The following RASGRF2 variants were observed in gnomAD, a reference collection of about 807,000 sequenced individuals.
The protein encoded by RASGRF2 is Ras protein specific guanine nucleotide releasing factor 2, also known as ras-specific guanine nucleotide-releasing factor 2.
In RASGRF2, 76 loss-of-function variants were observed where a neutral mutation model predicts 151.0. That is an observed-to-expected ratio of 0.50 (90% CI 0.42 to 0.61). RASGRF2 has a LOEUF of 0.61. RASGRF2 is among the 20% of genes least tolerant of loss of function. The pLI, the probability that RASGRF2 is intolerant of heterozygous loss-of-function variation, is 0.00. For synonymous variants in RASGRF2, 504 were observed against 566.5 expected (o/e 0.89, Z 1.57); for missense variants, 1,148 against 1,564.6 (o/e 0.73, Z 4.49).
At chr5:81,159,864 G>A (rs1275522736) in intron 17 of RASGRF2, among the ~76,000 whole-genome samples, 1 of 152,202 alleles carries the variant, frequency 6.6e-6, no homozygotes, top group East Asian at 1.9e-4. Context: ...CATGCTAACG[G>A]CAGTGCCTAG....
At chr5:81,187,681 T>C (rs1410739766) in intron 18 of RASGRF2, among the ~76,000 whole-genome samples, 1 of 152,202 alleles carries the variant, frequency 6.6e-6, no homozygotes. Flanking sequence ...AGATCTGAGG[T>C]AAAGTGGGGA....
At chr5:81,123,363 C>A (rs1293935714) in intron 15 of RASGRF2, among the ~76,000 whole-genome samples, 1 of 152,152 alleles carries the variant, frequency 6.6e-6, no homozygotes, top group Non-Finnish European at 1.5e-5. Flanking sequence ...AGGGGATCCA[C>A]CACATACCCC....
At chr5:80,962,273 CAG>C (rs1747586244) in intron 1 of RASGRF2, among the ~76,000 whole-genome samples, 1 of 152,146 alleles carries the variant, frequency 6.6e-6, no homozygotes, top group Admixed American at 6.5e-5. Flanking sequence ...AGGGCTTGTT[CAG>C]AGTCATTTGA....
chr5:81,206,162 T>C (rs6890619), intron 19 of RASGRF2, among the ~76,000 whole-genome samples: 62,663 of 152,062 alleles, frequency 0.41, 13,417 homozygotes, highest in African/African-American at 0.52. Context: ...AAACCAGTAT[T>C]TAAGGTATTA....
chr5:81,179,416 A>G (rs1754860906), intron 17 of RASGRF2, among the ~76,000 whole-genome samples: 1 of 152,212 alleles, frequency 6.6e-6, no homozygotes, highest in Admixed American at 6.5e-5. Context: ...AGGCAACCTA[A>G]CTTGCCAGGG....
Position 81,032,302 on chromosome 5 carries a change from T to C in RASGRF2, c.289-10575T>C, listed in dbSNP as rs560133395. Reference sequence around the variant, plus strand: ...TCCTCCCTAACTCATTTTATGAGGCTAGCATCATCTTGATACCAAAGCCTG... The same window carrying C: ...TCCTCCCTAACTCATTTTATGAGGCCAGCATCATCTTGATACCAAAGCCTG... On this transcript the variant is annotated intron_variant, in intron 1 of 26. Transcript: ENST00000265080. Among the ~76,000 whole-genome samples, 18 of 152,302 alleles carry C rather than the reference T, an allele frequency of 1.2e-4. No homozygotes were observed. The South Asian group carries it at 3.3e-3, about 28-fold the overall frequency.
chr5:81,140,791 C>T (rs1346106571), intron 17 of RASGRF2, among the ~76,000 whole-genome samples: 1 of 152,158 alleles, frequency 6.6e-6, no homozygotes, highest in Middle Eastern at 3.2e-3. Context: ...AGCAAAGGTA[C>T]AATGTAGTTG....
At chr5:81,000,149 A>C (rs1749032385) in intron 1 of RASGRF2, among the ~76,000 whole-genome samples, 1 of 152,188 alleles carries the variant, frequency 6.6e-6, no homozygotes, top group Non-Finnish European at 1.5e-5. Flanking sequence ...GGCTGAAGGA[A>C]GGACTTGCAT....
chr5:81,183,165 A>T (rs1754955520), intron 18 of RASGRF2: 6 of 981,568 alleles, frequency 6.1e-6, no homozygotes, highest in East Asian at 1.1e-4. Context: ...TTTTTCTCAC[A>T]TGGTGAACTA....
intron 17 of RASGRF2, among the ~76,000 whole-genome samples, chr5:81,172,327 C>T (rs1028327606): frequency 6.6e-5 from 10 of 151,966 alleles, no homozygotes; most frequent in Non-Finnish European, 8.8e-5. Context: ...TTACTGATTT[C>T]CTTGAAAGAT....
intron 5 of RASGRF2, among the ~76,000 whole-genome samples, chr5:81,079,125 A>G (rs1752017159): frequency 6.6e-6 from 1 of 152,194 alleles, no homozygotes; most frequent in Admixed American, 6.5e-5. Context: ...CTGAATTTAC[A>G]TCCAGAACCA....
intron 17 of RASGRF2, among the ~76,000 whole-genome samples, chr5:81,168,438 G>A (rs192232599): frequency 6.7e-6 from 1 of 149,938 alleles, no homozygotes; most frequent in African/African-American, 2.4e-5. Flanking sequence ...AACCTCCCAA[G>A]TAGCTGGGGC....
At chr5:81,155,337 G>T (rs1447385090) in intron 17 of RASGRF2, among the ~76,000 whole-genome samples, 1 of 151,808 alleles carries the variant, frequency 6.6e-6, no homozygotes, top group Non-Finnish European at 1.5e-5. Flanking sequence ...ACAGAAGTAA[G>T]GAAATATTAG....
intron 1 of RASGRF2, among the ~76,000 whole-genome samples, chr5:81,014,432 GCCTCCTTTTAAAA>G (rs1214105364): frequency 6.6e-6 from 1 of 152,172 alleles, no homozygotes; most frequent in African/African-American, 2.4e-5. Flanking sequence ...GCAGAAGAAT[GCCTCCTTTTAAAA>G]CCATCAGATC....
At chr5:81,075,208 C>T (rs1367541013) in intron 5 of RASGRF2, among the ~76,000 whole-genome samples, 1 of 152,174 alleles carries the variant, frequency 6.6e-6, no homozygotes, top group Non-Finnish European at 1.5e-5. Context: ...ATTTTTAAGT[C>T]AGAGCCAGTA....
intron 1 of RASGRF2, among the ~76,000 whole-genome samples, chr5:80,979,723 A>T (rs1033764722): frequency 1.3e-5 from 2 of 152,218 alleles, no homozygotes; most frequent in African/African-American, 4.8e-5. Flanking sequence ...TACTGTATAA[A>T]GGATGTCTAT....
intron 2 of RASGRF2, among the ~76,000 whole-genome samples, chr5:81,049,842 A>G (rs1750955605): frequency 6.6e-6 from 1 of 152,178 alleles, no homozygotes; most frequent in Admixed American, 6.6e-5. Flanking sequence ...ACTTAACCAC[A>G]AAGATATATA....
chr5:80,980,624 T>G (rs6877677), intron 1 of RASGRF2, among the ~76,000 whole-genome samples: 1,620 of 151,882 alleles, frequency 0.011, 44 homozygotes, highest in African/African-American at 0.037. Flanking sequence ...CCTGGGCGAC[T>G]GAGCCAGACT....
chr5:81,215,813 C>T, intron 23 of RASGRF2, 63 bp from the exon 24 acceptor site: 3 of 1,428,368 alleles, frequency 2.1e-6, no homozygotes, highest in Non-Finnish European at 2.7e-6. Flanking sequence ...CATCTTTTGG[C>T]AATTCACTGT....
Sources: allele counts gnomAD v4.1 joint callset (sites outside exome capture counted in the v4.1 genomes callset), GRCh38; gene constraint gnomAD v4.1.1; transcripts MANE v1.5; gene names NCBI Gene and HGNC (gene_info 2026-07-23, HGNC 2026-07-21).